CFAP263: variants seen among roughly 807,000 people sequenced by gnomAD.
CFAP263 encodes the protein cilia- and flagella-associated protein 263.
At chr16:58,263,064 T>G in the CFAP263 span, among the ~76,000 whole-genome samples, 2 of 152,116 alleles carry the variant, frequency 1.3e-5, no homozygotes, top group Admixed American at 1.3e-4. Flanking sequence ...ACAGAACCCT[T>G]TTGGGAGGGA....
the CFAP263 span, among the ~76,000 whole-genome samples, chr16:58,277,988 C>T: frequency 6.6e-6 from 1 of 152,018 alleles, no homozygotes; most frequent in East Asian, 1.9e-4. Flanking sequence ...AAAAAGAGTT[C>T]TGGAGATGGA....
At chr16:58,262,561 C>CT in the CFAP263 span, 4 of 1,579,960 alleles carry the variant, frequency 2.5e-6, no homozygotes, top group Non-Finnish European at 3.5e-6. Context: ...CCCTGATACC[C>CT]AGGGCTCCCC....
At chr16:58,259,505 C>G in the CFAP263 span, among the ~76,000 whole-genome samples, 2 of 152,106 alleles carry the variant, frequency 1.3e-5, no homozygotes, top group Non-Finnish European at 2.9e-5. Flanking sequence ...ATTACTAATC[C>G]TAATATGTTA....
chr16:58,274,436 G>T, the CFAP263 span, among the ~76,000 whole-genome samples: 814 of 152,260 alleles, frequency 5.3e-3, 15 homozygotes, highest in South Asian at 0.012. Flanking sequence ...GATTTTGTTT[G>T]GCTCTGTGTC....
At chr16:58,276,285 A>C in the CFAP263 span, among the ~76,000 whole-genome samples, 3 of 152,240 alleles carry the variant, frequency 2.0e-5, no homozygotes, top group Non-Finnish European at 4.4e-5. Context: ...AGAGTCGATA[A>C]AACTGTAGTG....
chr16:58,254,212 C>T, the CFAP263 span: 1 of 1,571,222 alleles, frequency 6.4e-7, no homozygotes, highest in Non-Finnish European at 8.8e-7. Context: ...CACCTCTACC[C>T]CACTGAGAGG....
At chr16:58,250,061 G>T in the CFAP263 span, 4 of 1,600,360 alleles carry the variant, frequency 2.5e-6, no homozygotes, top group Admixed American at 1.7e-5. Context: ...TCCCATGAAG[G>T]GTCGGAGCTG....
chr16:58,257,851 T>C, the CFAP263 span, among the ~76,000 whole-genome samples: 1 of 152,144 alleles, frequency 6.6e-6, no homozygotes, highest in Non-Finnish European at 1.5e-5. Flanking sequence ...CTCATGCCTG[T>C]AGTCCCAGCA....
At chr16:58,266,847 C>G in the CFAP263 span, among the ~76,000 whole-genome samples, 2 of 152,080 alleles carry the variant, frequency 1.3e-5, no homozygotes, top group Non-Finnish European at 1.5e-5. Context: ...CTGCAGGACT[C>G]CTCTAAAACT....
the CFAP263 span, among the ~76,000 whole-genome samples, chr16:58,261,426 A>T: frequency 6.6e-5 from 10 of 152,206 alleles, 1 homozygote; most frequent in Non-Finnish European, 1.2e-4. Flanking sequence ...GAGTAGATGG[A>T]TGATCTTTAA....
chr16:58,257,208 G>A, the CFAP263 span, among the ~76,000 whole-genome samples: 2 of 126,908 alleles, frequency 1.6e-5, no homozygotes, highest in African/African-American at 2.7e-5. Context: ...TAGTAGAGAC[G>A]GGGTTTCACC....
chr16:58,278,967 T>C, the CFAP263 span, among the ~76,000 whole-genome samples: 1 of 152,186 alleles, frequency 6.6e-6, no homozygotes, highest in Non-Finnish European at 1.5e-5. Context: ...ACTTTATACA[T>C]GGAGAAGTCC....
chr16:58,257,359 G>T, the CFAP263 span, among the ~76,000 whole-genome samples: 1 of 152,174 alleles, frequency 6.6e-6, no homozygotes, highest in East Asian at 1.9e-4. Context: ...ATGTTATTTT[G>T]TAAACTGTAT....
At chr16:58,277,340 G>A in the CFAP263 span, among the ~76,000 whole-genome samples, 2 of 152,078 alleles carry the variant, frequency 1.3e-5, no homozygotes, top group Non-Finnish European at 1.5e-5. Context: ...TGTTGGCCAG[G>A]CTGGTCTCAA....
At chr16:58,279,833 C>G in the CFAP263 span, 1 of 1,349,456 alleles carries the variant, frequency 7.4e-7, no homozygotes. Flanking sequence ...GTAATCAGCT[C>G]CTTTCTAGTC....
At chr16:58,274,537 A>T in the CFAP263 span, among the ~76,000 whole-genome samples, 1 of 152,176 alleles carries the variant, frequency 6.6e-6, no homozygotes, top group Non-Finnish European at 1.5e-5. Context: ...AGTTTACCCA[A>T]TGCTGTTCTC....
At chr16:58,256,025 T>A in the CFAP263 span, among the ~76,000 whole-genome samples, 1 of 152,232 alleles carries the variant, frequency 6.6e-6, no homozygotes, top group East Asian at 1.9e-4. Flanking sequence ...TGGCTTGCAT[T>A]TGAGAGCCAT....
chr16:58,255,349 G>C, the CFAP263 span, among the ~76,000 whole-genome samples: 1 of 152,140 alleles, frequency 6.6e-6, no homozygotes, highest in Non-Finnish European at 1.5e-5. Flanking sequence ...TAGCTGCTCT[G>C]GCAGCCAATT....
At chr16:58,255,408 A>C in the CFAP263 span, among the ~76,000 whole-genome samples, 2 of 152,072 alleles carry the variant, frequency 1.3e-5, no homozygotes, top group African/African-American at 2.4e-5. Context: ...CGCCCAGTCC[A>C]CTGACTCAAA....
Sources: allele counts gnomAD v4.1 joint callset (sites outside exome capture counted in the v4.1 genomes callset), GRCh38; gene constraint gnomAD v4.1.1; transcripts MANE v1.5; gene names NCBI Gene and HGNC (gene_info 2026-07-23, HGNC 2026-07-21).